Variants in CUL3 observed in about 807,000 individuals in gnomAD.
The protein encoded by CUL3 is cullin 3.
A neutral mutation model predicts 89.1 loss-of-function variants in CUL3; 19 were observed. The ratio of observed to expected loss-of-function variants is 0.21; its 90% CI spans 0.15 to 0.31. The LOEUF is 0.31. Ranked by LOEUF, CUL3 falls within the 10% of genes least tolerant of loss-of-function variation. The probability of loss-of-function intolerance (pLI) is 1.00; values close to 1 mark genes in which losing one functional copy is unlikely to be tolerated. For synonymous variants in CUL3, 351 were observed against 308.4 expected, an observed-to-expected ratio of 1.14 and a Z score of -1.45; for missense variants, 469 against 942.3, an observed-to-expected ratio of 0.50 and a Z score of 6.58.
chr2:224,531,193 T>TTC (rs1419183255), intron 3 of CUL3, among the ~76,000 whole-genome samples: 1 of 150,848 alleles, frequency 6.6e-6, no homozygotes, highest in African/African-American at 2.4e-5. Flanking sequence ...GTTCAAGCAA[T>TTC]TCTCCTGCCT....
At chr2:224,558,019 G>A (rs1694778734) in intron 1 of CUL3, among the ~76,000 whole-genome samples, 163 bp from the exon 2 acceptor site, 1 of 151,484 alleles carries the variant, frequency 6.6e-6, no homozygotes, top group African/African-American at 2.4e-5. Flanking sequence ...TTAACAGGGG[G>A]AAAAAAAGGA....
intron 3 of CUL3, among the ~76,000 whole-genome samples, chr2:224,529,884 G>GGC (rs1159738412): frequency 1.3e-5 from 2 of 152,130 alleles, no homozygotes; most frequent in Non-Finnish European, 2.9e-5. Flanking sequence ...ATTTTCAAGA[G>GGC]GCAGTGTGTC....
chr2:224,510,046 CATAA>C (rs1419430314), intron 6 of CUL3, among the ~76,000 whole-genome samples: 2 of 152,072 alleles, frequency 1.3e-5, no homozygotes, highest in Non-Finnish European at 1.5e-5. Context: ...TTTCAGGGCC[CATAA>C]ATAAAGTCTT....
In CUL3 at chr2:224,506,889, CCTT is replaced by C. The variant is rs1472792526; in HGVS notation, c.995_997del (p.Glu332del). ...ATAGTCAACAGGATTCTTTCCTTCTCCTTCTTCAGAAACAAGAGCTTTACCTTG... is the reference window on the plus strand; with the variant it reads ...ATAGTCAACAGGATTCTTTCCTTCTCCTTCAGAAACAAGAGCTTTACCTTG... On this transcript the variant is annotated inframe_deletion, in exon 7 of 16. Transcript: ENST00000264414. 2 of 1,613,584 alleles carry C rather than the reference CCTT, an allele frequency of 1.2e-6. No individual in the cohort carries two copies. Among genetic ancestry groups the C allele is most frequent in the Admixed American group, 3.3e-5 (2 of 59,980 alleles).
intron 15 of CUL3, among the ~76,000 whole-genome samples, chr2:224,477,198 G>T (rs116390344): frequency 6.6e-6 from 1 of 152,038 alleles, no homozygotes; most frequent in Non-Finnish European, 1.5e-5. Flanking sequence ...CCTACAGCTC[G>T]TGTTAAAAAA....
At chr2:224,475,076 G>A (rs12986955) in intron 15 of CUL3, among the ~76,000 whole-genome samples, 28,085 of 151,872 alleles carry the variant, frequency 0.18, 2,947 homozygotes, top group South Asian at 0.27. Context: ...GGAGTGCAGC[G>A]GCGCAATCTC....
chr2:224,527,287 A>C (rs1437432773), intron 3 of CUL3, among the ~76,000 whole-genome samples: 1 of 152,232 alleles, frequency 6.6e-6, no homozygotes, highest in African/African-American at 2.4e-5. Context: ...AATTCTCTAA[A>C]TGTGCAACCT....
At chr2:224,526,345 G>A (rs546989518) in intron 3 of CUL3, among the ~76,000 whole-genome samples, 2 of 152,160 alleles carry the variant, frequency 1.3e-5, no homozygotes, top group East Asian at 3.9e-4. Context: ...CAGCACTTTG[G>A]AAGGCCAAGG....
chr2:224,576,200 G>A (rs1261025327), intron 1 of CUL3, among the ~76,000 whole-genome samples: 1 of 152,154 alleles, frequency 6.6e-6, no homozygotes, highest in East Asian at 1.9e-4. Context: ...AATTCAAAAA[G>A]ATAAGCCTGA....
At position 224,585,156 on chromosome 2, in the gene CUL3, G is replaced by C. The variant is rs1574715458; in HGVS notation, c.-147C>G. The C allele has an allele frequency of 7.7e-6, 3 of 387,182 alleles. No homozygotes were observed. Among genetic ancestry groups the C allele is most frequent in the African/African-American group, 7.0e-5 (3 of 42,826 alleles). The allele number at this position is 387,182 out of a possible 1,614,324, so 24.0% of individuals were successfully genotyped here. On this transcript the variant is annotated 5_prime_UTR_variant, in exon 1 of 16. Coordinates refer to ENST00000264414, the MANE Select transcript of CUL3 (RefSeq NM_003590.5). ...GGGCTGGGGAGCTGGCCGGCCCCTG[G>C]GCAGCCGCGGCGGCGGCGGGGGCGG...
At chr2:224,492,392 CTGT>C (rs754943865) in intron 13 of CUL3, among the ~76,000 whole-genome samples, 135 of 152,246 alleles carry the variant, frequency 8.9e-4, no homozygotes, top group Non-Finnish European at 1.2e-4. Flanking sequence ...TCAAATACTA[CTGT>C]TAAGTTTTCT....
intron 3 of CUL3, among the ~76,000 whole-genome samples, chr2:224,519,211 CA>C: frequency 6.6e-6 from 1 of 152,238 alleles, no homozygotes; most frequent in South Asian, 2.1e-4. Flanking sequence ...AAATATTGTA[CA>C]AAATTACCTT....
intron 15 of CUL3, among the ~76,000 whole-genome samples, chr2:224,477,259 T>C (rs542776483): frequency 4.5e-4 from 69 of 152,326 alleles, no homozygotes; most frequent in African/African-American, 1.7e-3. Flanking sequence ...TCTCAGGCTC[T>C]GGTGGAACCT....
rs74884128 is a variant in CUL3 at position 224,579,797 on chromosome 2, A to G, written c.66+5147T>C. Among the ~76,000 whole-genome samples, 1,498 of 152,346 alleles carry G rather than the reference A, an allele frequency of 9.8e-3. 23 individuals carry two copies. Among genetic ancestry groups the G allele is most frequent in the African/African-American group, 0.034 (1,401 of 41,572 alleles). ...TTACATTCTGGAGACAGTCACCTTCATAACAGGTTTCCCAAACTCTGAAGG... is the reference window on the plus strand; with the variant it reads ...TTACATTCTGGAGACAGTCACCTTCGTAACAGGTTTCCCAAACTCTGAAGG... On this transcript the variant is annotated intron_variant, in intron 1 of 15. Transcript: ENST00000264414.
intron 13 of CUL3, among the ~76,000 whole-genome samples, chr2:224,487,297 C>T (rs1016017171): frequency 1.3e-5 from 2 of 151,920 alleles, no homozygotes; most frequent in Non-Finnish European, 2.9e-5. Context: ...GGGCTAAATG[C>T]CCCAATTAAA....
chr2:224,522,158 T>G (rs1029878481), intron 3 of CUL3, among the ~76,000 whole-genome samples: 5 of 151,396 alleles, frequency 3.3e-5, no homozygotes, highest in Admixed American at 6.6e-5. Context: ...ATCACTAAGG[T>G]AATCCTCTAT....
chr2:224,514,099 T>C (rs1300190599), intron 4 of CUL3, among the ~76,000 whole-genome samples: 1 of 151,964 alleles, frequency 6.6e-6, no homozygotes, highest in African/African-American at 2.4e-5. Flanking sequence ...TGAAAACAGA[T>C]AAGGAGAGAA....
At chr2:224,571,453 A>C in intron 1 of CUL3, among the ~76,000 whole-genome samples, 1 of 152,164 alleles carries the variant, frequency 6.6e-6, no homozygotes, top group East Asian at 1.9e-4. Context: ...TGACAAATTG[A>C]TTGTACCTAA....
intron 3 of CUL3, among the ~76,000 whole-genome samples, chr2:224,522,264 A>T (rs1257583719): frequency 6.6e-6 from 1 of 152,168 alleles, no homozygotes; most frequent in African/African-American, 2.4e-5. Context: ...AAATAGAAAA[A>T]TTTTAAATGA....
Sources: allele counts gnomAD v4.1 joint callset (sites outside exome capture counted in the v4.1 genomes callset), GRCh38; gene constraint gnomAD v4.1.1; transcripts MANE v1.5; gene names NCBI Gene and HGNC (gene_info 2026-07-23, HGNC 2026-07-21).